The following MARCHF1 variants were observed in gnomAD, a reference collection of about 807,000 sequenced individuals.
MARCHF1 encodes the protein membrane associated ring-CH-type finger 1.
MARCHF1 carries 40 observed loss-of-function variants against 54.2 expected under a neutral mutation model. That is an observed-to-expected ratio of 0.74 (90% confidence interval 0.57 to 0.96). The LOEUF is 0.96. Among genes scored for constraint, MARCHF1 ranks in the 40% least tolerant of loss-of-function variants. The probability of loss-of-function intolerance (pLI) is 0.00; values close to 1 mark genes in which losing one functional copy is unlikely to be tolerated. For synonymous variants in MARCHF1, 236 were observed against 236.3 expected (o/e 1.00, Z 0.01); for missense variants, 586 against 656.5 (o/e 0.89, Z 1.17).
chr4:163,589,373 T>C (rs1274609108), intron 7 of MARCHF1, among the ~76,000 whole-genome samples: 2 of 152,084 alleles, frequency 1.3e-5, no homozygotes, highest in Non-Finnish European at 2.9e-5. Context: ...AAAATTAAGG[T>C]TATTTCCCAT....
intron 7 of MARCHF1, among the ~76,000 whole-genome samples, chr4:163,609,518 T>G (rs1228266397): frequency 6.6e-6 from 1 of 151,942 alleles, no homozygotes; most frequent in African/African-American, 2.4e-5. Context: ...TAGTTCCATC[T>G]CCTAAATCTA....
intron 1 of MARCHF1, among the ~76,000 whole-genome samples, chr4:164,177,790 G>A (rs1478260218): frequency 1.5e-5 from 2 of 135,606 alleles, no homozygotes; most frequent in African/African-American, 5.4e-5. Context: ...CTCAATCTCA[G>A]TGTGTGTATG....
intron 1 of MARCHF1, among the ~76,000 whole-genome samples, chr4:164,245,864 A>C: frequency 1.4e-5 from 1 of 73,578 alleles, no homozygotes; most frequent in Non-Finnish European, 2.7e-5. Context: ...CTTCAAAGAG[A>C]ATAAAATACC....
intron 1 of MARCHF1, among the ~76,000 whole-genome samples, chr4:164,226,161 A>G (rs565358095): frequency 6.6e-6 from 1 of 152,184 alleles, no homozygotes; most frequent in African/African-American, 2.4e-5. Flanking sequence ...TAACATTAAG[A>G]ATAAAAGAAG....
chr4:163,605,449 C>T (rs1741110207), intron 7 of MARCHF1, among the ~76,000 whole-genome samples: 1 of 152,188 alleles, frequency 6.6e-6, no homozygotes, highest in Non-Finnish European at 1.5e-5. Flanking sequence ...CGCTTTTACA[C>T]TGTTGGTGGG....
chr4:163,718,361 C>A (rs948460233), intron 4 of MARCHF1, among the ~76,000 whole-genome samples: 44 of 152,288 alleles, frequency 2.9e-4, no homozygotes, highest in African/African-American at 1.0e-3. Context: ...TCAGAGTGAA[C>A]AGGCAACCTA....
intron 3 of MARCHF1, among the ~76,000 whole-genome samples, chr4:163,867,831 T>TTC (rs397714498): frequency 2.3e-4 from 34 of 150,714 alleles, no homozygotes; most frequent in Non-Finnish European, 4.3e-4. Flanking sequence ...TTTTTTTTTT[T>TTC]CCTGAGAAGC....
At chr4:163,708,242 G>A (rs1344425892) in intron 4 of MARCHF1, among the ~76,000 whole-genome samples, 1 of 151,850 alleles carries the variant, frequency 6.6e-6, no homozygotes, top group African/African-American at 2.4e-5. Context: ...CCTCCTCCAA[G>A]CTTTTAATAA....
chr4:164,102,702 TC>T (rs1755594720), intron 2 of MARCHF1, among the ~76,000 whole-genome samples: 1 of 151,170 alleles, frequency 6.6e-6, no homozygotes, highest in South Asian at 2.1e-4. Flanking sequence ...AGAAACTGCA[TC>T]AACTAATGAG....
intron 2 of MARCHF1, among the ~76,000 whole-genome samples, chr4:164,013,962 T>G (rs1016361705): frequency 6.6e-6 from 1 of 151,920 alleles, no homozygotes; most frequent in South Asian, 2.1e-4. Flanking sequence ...AGGTGGATCA[T>G]GATGCAGGTG....
intron 2 of MARCHF1, among the ~76,000 whole-genome samples, chr4:164,109,376 T>C (rs1159338598): frequency 1.3e-5 from 2 of 151,982 alleles, no homozygotes; most frequent in African/African-American, 4.8e-5. Context: ...AGCTTGAAAA[T>C]CTACACTAAT....
intron 1 of MARCHF1, among the ~76,000 whole-genome samples, chr4:164,375,840 C>T (rs1466501379): frequency 6.6e-6 from 1 of 152,172 alleles, no homozygotes; most frequent in Non-Finnish European, 1.5e-5. Flanking sequence ...CTTCATTTCT[C>T]CCTCTGTTAG....
intron 5 of MARCHF1, among the ~76,000 whole-genome samples, chr4:163,642,045 A>G (rs1742573572): frequency 6.6e-6 from 1 of 152,164 alleles, no homozygotes; most frequent in Non-Finnish European, 1.5e-5. Flanking sequence ...TTCTTCAGTG[A>G]TCGTATTGTT....
intron 1 of MARCHF1, among the ~76,000 whole-genome samples, chr4:164,382,406 C>T (rs1731394849): frequency 6.6e-6 from 1 of 152,116 alleles, no homozygotes; most frequent in African/African-American, 2.4e-5. Flanking sequence ...CTTTCTTATA[C>T]CATAGCATTA....
rs777775850 is a variant in MARCHF1 at position 163,528,907 on chromosome 4, A to G, written c.1479T>C (p.Phe493=). Residue 493 remains phenylalanine (F), a synonymous_variant, in exon 10 of 10, where the codon TTT becomes TTC. Transcript: ENST00000514618. ...RRLKAYNRVI[F]VQNCPDTAKK... ...TGGCAGTGTCTGGGCAATTTTGTACAAAGATCACACGGTTGTAGGCCTTCA... is the reference window on the plus strand; with the variant it reads ...TGGCAGTGTCTGGGCAATTTTGTACGAAGATCACACGGTTGTAGGCCTTCA... 1 of 1,613,410 alleles carries G rather than the reference A, an allele frequency of 6.2e-7. No homozygotes were observed. Among genetic ancestry groups the G allele is most frequent in the South Asian group, 1.1e-5 (1 of 91,068 alleles).
At chr4:164,062,237 C>A (rs1754634286) in intron 2 of MARCHF1, among the ~76,000 whole-genome samples, 1 of 152,128 alleles carries the variant, frequency 6.6e-6, no homozygotes, top group Non-Finnish European at 1.5e-5. Context: ...CATTGACAGG[C>A]TTTGCTTCTA....
At chr4:163,634,818 C>A (rs1245974166) in intron 5 of MARCHF1, among the ~76,000 whole-genome samples, 1 of 141,666 alleles carries the variant, frequency 7.1e-6, no homozygotes, top group Non-Finnish European at 1.5e-5. Flanking sequence ...CACACCACAC[C>A]TATTCCAAAA....
chr4:163,656,499 C>T (rs1382194312), intron 5 of MARCHF1, among the ~76,000 whole-genome samples: 1 of 151,842 alleles, frequency 6.6e-6, no homozygotes, highest in Non-Finnish European at 1.5e-5. Flanking sequence ...GGTACCATTT[C>T]TTCTGAAACT....
At chr4:163,946,356 C>G (rs1397179136) in intron 3 of MARCHF1, among the ~76,000 whole-genome samples, 1 of 152,120 alleles carries the variant, frequency 6.6e-6, no homozygotes, top group Non-Finnish European at 1.5e-5. Context: ...TTTAACCTGG[C>G]CCCATAATAT....
Sources: allele counts gnomAD v4.1 joint callset (sites outside exome capture counted in the v4.1 genomes callset), GRCh38; gene constraint gnomAD v4.1.1; transcripts MANE v1.5; gene names NCBI Gene and HGNC (gene_info 2026-07-23, HGNC 2026-07-21).